The following HCN1 variants were observed in gnomAD, a reference collection of about 807,000 sequenced individuals.
HCN1 encodes the protein potassium/sodium hyperpolarization-activated cyclic nucleotide-gated channel 1.
Under a neutral mutation model 78.9 loss-of-function variants are expected in HCN1, and 13 were observed. The ratio of observed to expected loss-of-function variants is 0.16; its 90% CI spans 0.11 to 0.26. HCN1 has a LOEUF of 0.26. HCN1 is among the 10% of genes least tolerant of loss of function. The pLI, the probability that HCN1 is intolerant of heterozygous loss-of-function variation, is 1.00. For missense variants in HCN1, 810 were observed against 1,154.3 expected (o/e 0.70, Z 4.32); for synonymous variants, 552 against 455.5 (o/e 1.21, Z -2.70).
At chr5:45,391,828 C>G (rs1443667463) in intron 4 of HCN1, among the ~76,000 whole-genome samples, 3 of 152,146 alleles carry the variant, frequency 2.0e-5, no homozygotes, top group Admixed American at 1.3e-4. Context: ...GGTCCTTATA[C>G]TCCCTCTGGA....
Position 45,270,363 on chromosome 5 carries a change from G to A in HCN1, c.1619-3110C>T, listed in dbSNP as rs149303953. Among the ~76,000 whole-genome samples the A allele has an allele frequency of 4.6e-3, 704 of 152,246 alleles. 3 individuals carry two copies. The highest frequency in any genetic ancestry group is 0.016 in the African/African-American group (673 of 41,554). On this transcript the variant is annotated intron_variant, in intron 6 of 7. Coordinates refer to ENST00000303230, the MANE Select transcript of HCN1 (RefSeq NM_021072.4). ...TTTAAAACGGAATATTTGGTAAATC[G>A]GAATAAGGTAACTACTGTTAGTGAT...
At chr5:45,685,459 A>G (rs2112095444) in intron 1 of HCN1, among the ~76,000 whole-genome samples, 1 of 152,336 alleles carries the variant, frequency 6.6e-6, no homozygotes, top group Non-Finnish European at 1.5e-5. Context: ...CATGCCTGTA[A>G]CGTCAGCACT....
intron 1 of HCN1, among the ~76,000 whole-genome samples, chr5:45,682,478 GA>G (rs903411605): frequency 1.1e-4 from 16 of 151,592 alleles, no homozygotes; most frequent in Admixed American, 3.9e-4. Context: ...GGCACATAGG[GA>G]AAAAGGTTGT....
intron 5 of HCN1, among the ~76,000 whole-genome samples, chr5:45,351,838 C>T (rs1746910709): frequency 6.6e-6 from 1 of 151,912 alleles, no homozygotes; most frequent in South Asian, 2.1e-4. Context: ...CACCATCTCA[C>T]ACCAGTTAGA....
intron 4 of HCN1, among the ~76,000 whole-genome samples, chr5:45,376,951 C>T (rs1373827924): frequency 6.6e-6 from 1 of 151,836 alleles, no homozygotes; most frequent in Non-Finnish European, 1.5e-5. Flanking sequence ...AGAGTGCAAC[C>T]AGGTGTTTGT....
chr5:45,477,784 T>G (rs759495548), intron 2 of HCN1, among the ~76,000 whole-genome samples: 2 of 151,624 alleles, frequency 1.3e-5, no homozygotes, highest in Non-Finnish European at 2.9e-5. Context: ...AAAGAAAAAA[T>G]AAGCCAATAA....
chr5:45,658,603 T>A (rs2112053014), intron 1 of HCN1, among the ~76,000 whole-genome samples: 1 of 151,688 alleles, frequency 6.6e-6, no homozygotes, highest in South Asian at 2.1e-4. Context: ...GCGCGCACCG[T>A]GCGCGAGCCG....
intron 2 of HCN1, among the ~76,000 whole-genome samples, chr5:45,520,805 T>C (rs1742599386): frequency 6.6e-6 from 1 of 151,906 alleles, no homozygotes; most frequent in South Asian, 2.1e-4. Context: ...AGGAACTTCT[T>C]TTAGAGATGA....
intron 2 of HCN1, among the ~76,000 whole-genome samples, chr5:45,590,837 T>G (rs758112562): frequency 2.2e-4 from 33 of 152,310 alleles, no homozygotes; most frequent in Non-Finnish European, 3.1e-4. Flanking sequence ...TTGGTTGGTT[T>G]GTTTGTTTTT....
chr5:45,683,404 A>G (rs931645215), intron 1 of HCN1, among the ~76,000 whole-genome samples: 2 of 152,146 alleles, frequency 1.3e-5, no homozygotes, highest in African/African-American at 2.4e-5. Flanking sequence ...AGTTAACTCC[A>G]TAATTTATCT....
intron 2 of HCN1, among the ~76,000 whole-genome samples, chr5:45,586,452 C>T (rs1239437423): frequency 6.6e-6 from 1 of 152,118 alleles, no homozygotes; most frequent in African/African-American, 2.4e-5. Flanking sequence ...AAAGGGAATT[C>T]CCTGACCCCT....
intron 2 of HCN1, among the ~76,000 whole-genome samples, chr5:45,511,537 G>A (rs1360708688): frequency 1.3e-5 from 2 of 151,950 alleles, no homozygotes; most frequent in African/African-American, 4.8e-5. Context: ...ATTAGAGAAT[G>A]GTATATTACT....
chr5:45,383,158 T>A (rs1579859315), intron 4 of HCN1, among the ~76,000 whole-genome samples: 1 of 152,276 alleles, frequency 6.6e-6, no homozygotes, highest in South Asian at 2.1e-4. Flanking sequence ...ATTTAACATT[T>A]TTCAGTGTGA....
At chr5:45,673,248 C>T (rs1436402414) in intron 1 of HCN1, among the ~76,000 whole-genome samples, 1 of 151,528 alleles carries the variant, frequency 6.6e-6, no homozygotes, top group African/African-American at 2.4e-5. Context: ...GAGGCAAAGA[C>T]TACATCATGT....
intron 2 of HCN1, among the ~76,000 whole-genome samples, chr5:45,635,839 C>T (rs16902193): frequency 1.7e-3 from 262 of 152,204 alleles, no homozygotes; most frequent in African/African-American, 5.7e-3. Flanking sequence ...CATAAATTGA[C>T]TTTCTGTGAC....
At chr5:45,434,905 CA>C in intron 3 of HCN1, among the ~76,000 whole-genome samples, 1 of 151,826 alleles carries the variant, frequency 6.6e-6, no homozygotes, top group Non-Finnish European at 1.5e-5. Flanking sequence ...CCTGATCATC[CA>C]AAAGAGCCAA....
intron 2 of HCN1, among the ~76,000 whole-genome samples, chr5:45,606,111 C>A (rs971119805): frequency 1.3e-5 from 2 of 152,030 alleles, no homozygotes; most frequent in Admixed American, 1.3e-4. Context: ...GTTCCACCAT[C>A]AAGAACACCA....
rs553343231 is a variant in HCN1 at position 45,347,119 on chromosome 5, G to C, written c.1377+5981C>G. Among the ~76,000 whole-genome samples, 45 of 152,344 alleles carry C rather than the reference G, an allele frequency of 3.0e-4. No individual in the cohort carries two copies. In the South Asian group the frequency reaches 8.9e-3, roughly 30 times the overall value. ...CAGCCTAACTGGGAGGCACCTCCCA[G>C]TAGGGGCAGACTGACACCTCACAGG... On this transcript the variant is annotated intron_variant, in intron 5 of 7. Coordinates refer to ENST00000303230, the MANE Select transcript of HCN1 (RefSeq NM_021072.4).
At chr5:45,621,266 A>G (rs1745055686) in intron 2 of HCN1, among the ~76,000 whole-genome samples, 1 of 152,090 alleles carries the variant, frequency 6.6e-6, no homozygotes, top group African/African-American at 2.4e-5. Context: ...CTGGAAACTC[A>G]CACTTCCAAT....
Sources: allele counts gnomAD v4.1 joint callset (sites outside exome capture counted in the v4.1 genomes callset), GRCh38; gene constraint gnomAD v4.1.1; transcripts MANE v1.5; gene names NCBI Gene and HGNC (gene_info 2026-07-23, HGNC 2026-07-21).